UNC5D: variants seen among roughly 807,000 people sequenced by gnomAD.
UNC5D encodes the protein unc-5 netrin receptor D.
Under a neutral mutation model 105.4 loss-of-function variants are expected in UNC5D, and 39 were observed. The observed-to-expected ratio is 0.37, with a 90% CI of 0.29 to 0.48. UNC5D has a LOEUF of 0.48. Ranked by LOEUF, UNC5D falls within the 20% of genes least tolerant of loss-of-function variation. The pLI, the probability that UNC5D is intolerant of heterozygous loss-of-function variation, is 0.98. For synonymous variants in UNC5D, 452 were observed against 450.4 expected (o/e 1.00, Z -0.04); for missense variants, 991 against 1,202.4 (o/e 0.82, Z 2.60).
intron 1 of UNC5D, among the ~76,000 whole-genome samples, chr8:35,394,613 GC>G (rs1305953053): frequency 6.6e-6 from 1 of 151,378 alleles, no homozygotes; most frequent in African/African-American, 2.4e-5. Context: ...AAATTAGGAA[GC>G]CTGGTGAATT....
intron 8 of UNC5D, among the ~76,000 whole-genome samples, chr8:35,716,840 GA>G (rs952387547): frequency 4.0e-5 from 6 of 151,890 alleles, no homozygotes; most frequent in African/African-American, 4.8e-5. Context: ...CAAATTAAAG[GA>G]AAAAAAATGT....
chr8:35,507,353 C>G (rs1812397022), intron 1 of UNC5D, among the ~76,000 whole-genome samples: 1 of 152,026 alleles, frequency 6.6e-6, no homozygotes, highest in African/African-American at 2.4e-5. Context: ...CCGCGCCGGC[C>G]CAGGGCTTTT....
chr8:35,538,399 A>T (rs1326231688), intron 1 of UNC5D, among the ~76,000 whole-genome samples: 2 of 23,506 alleles, frequency 8.5e-5, no homozygotes, highest in Non-Finnish European at 1.3e-4. Context: ...AAATAATTAT[A>T]TATATATATA....
At chr8:35,648,705 G>C (rs61288604) in intron 4 of UNC5D, among the ~76,000 whole-genome samples, 5,460 of 146,514 alleles carry the variant, frequency 0.037, 410 homozygotes, top group African/African-American at 0.13. Context: ...AAAAAAAGGA[G>C]AGAGATCTCC....
intron 1 of UNC5D, among the ~76,000 whole-genome samples, chr8:35,340,021 A>G (rs756303003): frequency 1.2e-4 from 19 of 152,200 alleles, no homozygotes; most frequent in Non-Finnish European, 2.5e-4. Context: ...TTTAAAAACT[A>G]CATGATTGCT....
chr8:35,574,357 A>G (rs1261182715), intron 3 of UNC5D, among the ~76,000 whole-genome samples: 1 of 152,100 alleles, frequency 6.6e-6, no homozygotes, highest in Non-Finnish European at 1.5e-5. Flanking sequence ...ACAGCAGAAA[A>G]CCACTATTTT....
At chr8:35,599,875 A>G (rs1189763280) in intron 4 of UNC5D, among the ~76,000 whole-genome samples, 2 of 152,326 alleles carry the variant, frequency 1.3e-5, no homozygotes, top group Non-Finnish European at 2.9e-5. Context: ...ATAAGTATAC[A>G]TGCGCCATGT....
At chr8:35,515,408 G>A (rs1023440257) in intron 1 of UNC5D, among the ~76,000 whole-genome samples, 1 of 152,174 alleles carries the variant, frequency 6.6e-6, no homozygotes, top group African/African-American at 2.4e-5. Context: ...TTTAGGGCTG[G>A]GTGTGGTGGC....
intron 1 of UNC5D, among the ~76,000 whole-genome samples, chr8:35,343,897 A>C (rs1811626946): frequency 6.6e-6 from 1 of 152,128 alleles, no homozygotes; most frequent in African/African-American, 2.4e-5. Flanking sequence ...TGCAGCTTAA[A>C]GTTATTAACC....
intron 1 of UNC5D, among the ~76,000 whole-genome samples, chr8:35,506,498 G>A (rs767262243): frequency 2.1e-4 from 32 of 152,220 alleles, no homozygotes; most frequent in Non-Finnish European, 4.3e-4. Flanking sequence ...AGCAACAGTA[G>A]TATTCACTAG....
chr8:35,653,914 A>C (rs1481717904), intron 4 of UNC5D, among the ~76,000 whole-genome samples: 1 of 152,044 alleles, frequency 6.6e-6, no homozygotes, highest in Non-Finnish European at 1.5e-5. Context: ...GCACATTCCT[A>C]TTCATAAGAC....
intron 1 of UNC5D, among the ~76,000 whole-genome samples, chr8:35,517,136 T>C (rs1318496285): frequency 1.3e-5 from 2 of 152,200 alleles, no homozygotes; most frequent in African/African-American, 4.8e-5. Context: ...TCTTTCATCC[T>C]TTCCAAGATC....
intron 11 of UNC5D, among the ~76,000 whole-genome samples, chr8:35,733,722 T>C (rs1230836173): frequency 6.6e-6 from 1 of 152,186 alleles, no homozygotes; most frequent in East Asian, 1.9e-4. Context: ...AGCCCCAATA[T>C]ATCAGGGTAG....
chr8:35,709,073 C>A (rs1196715566), intron 8 of UNC5D, among the ~76,000 whole-genome samples: 1 of 151,936 alleles, frequency 6.6e-6, no homozygotes, highest in Non-Finnish European at 1.5e-5. Flanking sequence ...TATTCTGCCA[C>A]CTACTAGATC....
intron 8 of UNC5D, among the ~76,000 whole-genome samples, chr8:35,720,360 T>C (rs1015944117): frequency 2.0e-5 from 3 of 152,190 alleles, no homozygotes; most frequent in African/African-American, 7.2e-5. Flanking sequence ...GCTCATTTGC[T>C]GAGCAGGTGT....
intron 1 of UNC5D, among the ~76,000 whole-genome samples, chr8:35,353,829 A>C (rs1242933631): frequency 6.6e-6 from 1 of 152,148 alleles, no homozygotes; most frequent in Non-Finnish European, 1.5e-5. Flanking sequence ...CACGTGTATA[A>C]AATTTATAAA....
chr8:35,258,423 A>T (rs1291603159), intron 1 of UNC5D, among the ~76,000 whole-genome samples: 2 of 152,178 alleles, frequency 1.3e-5, no homozygotes, highest in Non-Finnish European at 2.9e-5. Context: ...GGCAGAGCAC[A>T]CAGTGTGGGG....
intron 1 of UNC5D, among the ~76,000 whole-genome samples, chr8:35,264,437 A>G (rs1056438417): frequency 1.8e-4 from 28 of 152,172 alleles, no homozygotes; most frequent in Non-Finnish European, 2.6e-4. Context: ...TTTAATCTAG[A>G]AAATATTTGA....
At chr8:35,427,313 A>T (rs916439150) in intron 1 of UNC5D, among the ~76,000 whole-genome samples, 1 of 152,188 alleles carries the variant, frequency 6.6e-6, no homozygotes, top group African/African-American at 2.4e-5. Context: ...GTAGACACAC[A>T]TGTGCATAGA....
Sources: gnomAD v4.1 joint callset for allele counts (sites outside exome capture counted in the v4.1 genomes callset) on GRCh38, gnomAD v4.1.1 for gene constraint, MANE v1.5 for transcripts, NCBI Gene and HGNC (gene_info 2026-07-23, HGNC 2026-07-21) for gene names.